The following IHO1 variants were observed in gnomAD, a reference collection of about 807,000 sequenced individuals.
The protein encoded by IHO1 is interactor of HORMAD1 1.
In IHO1, 13 loss-of-function variants were observed where a neutral mutation model predicts 31.0. That is an observed-to-expected ratio of 0.42 (90% confidence interval 0.27 to 0.67). IHO1 has a LOEUF of 0.67. IHO1 is among the 30% of genes least tolerant of loss of function. The pLI is 0.24. For missense variants in IHO1, 599 were observed against 687.5 expected, an observed-to-expected ratio of 0.87 and a Z score of 1.44; for synonymous variants, 221 against 248.4, an observed-to-expected ratio of 0.89 and a Z score of 1.04.
Position 49,256,636 on chromosome 3 carries a change from C to A in IHO1, c.1139C>A (p.Pro380His). ...HGSSVPGHKI[P>H]SDRDLVSQGA... ...TCCAGCGTCCCAGGCCATAAGATTCCCAGTGACAGGGACCTGGTTTCCCAA... is the reference window on the plus strand; with the variant it reads ...TCCAGCGTCCCAGGCCATAAGATTCACAGTGACAGGGACCTGGTTTCCCAA... The change falls in exon 8 of 8, where the codon CCC becomes CAC. Residue 380 changes from proline to histidine, a missense_variant. Physicochemically the swap from Pro to His is moderately conservative, Grantham distance 77 (BLOSUM62 -2). Coordinates refer to ENST00000452691, the MANE Select transcript of IHO1 (RefSeq NM_001135197.2). The surrounding 1 kb of genome is among the most constrained non-coding windows in gnomAD (Gnocchi z 4.6). 6.2e-7 allele frequency: 1 copy of A among 1,614,206 alleles called. No homozygotes were observed. Among genetic ancestry groups the A allele is most frequent in the Non-Finnish European group, 8.5e-7 (1 of 1,180,032 alleles).
At chr3:49,237,221 G>A (rs538574042) in intron 3 of IHO1, among the ~76,000 whole-genome samples, 6 of 151,934 alleles carry the variant, frequency 3.9e-5, no homozygotes, top group South Asian at 2.1e-4. Flanking sequence ...GGTGGCAGGC[G>A]CCTGTAATCC....
intron 1 of IHO1, among the ~76,000 whole-genome samples, chr3:49,207,597 T>C (rs539606465): frequency 3.9e-5 from 6 of 152,226 alleles, no homozygotes; most frequent in Admixed American, 3.9e-4. Flanking sequence ...ACTGGAATAT[T>C]AACCAGGTAT....
intron 3 of IHO1, among the ~76,000 whole-genome samples, chr3:49,239,323 C>T (rs2046598856): frequency 6.6e-6 from 1 of 151,378 alleles, no homozygotes. Flanking sequence ...CTCACTGTTG[C>T]CAGACTGGAG....
At chr3:49,252,911 G>A (rs560409048) in intron 6 of IHO1, among the ~76,000 whole-genome samples, 133 of 152,102 alleles carry the variant, frequency 8.7e-4, no homozygotes, top group Non-Finnish European at 1.3e-3. Context: ...GCATGGTGTT[G>A]CGTGCCTAAA....
intron 2 of IHO1, among the ~76,000 whole-genome samples, chr3:49,228,750 G>A (rs918876937): frequency 6.6e-6 from 1 of 152,304 alleles, no homozygotes; most frequent in African/African-American, 2.4e-5. Flanking sequence ...TTTGTGGCGA[G>A]TGTCACAGCT....
chr3:49,253,222 T>C (rs1387154039), intron 6 of IHO1, among the ~76,000 whole-genome samples: 4 of 151,846 alleles, frequency 2.6e-5, no homozygotes, highest in Non-Finnish European at 5.9e-5. Context: ...GGTCAAGAGT[T>C]TGAGACCAGC....
chr3:49,242,101 GC>G (rs2046639197), intron 4 of IHO1, among the ~76,000 whole-genome samples: 1 of 151,262 alleles, frequency 6.6e-6, no homozygotes, highest in Non-Finnish European at 1.5e-5. Context: ...ATGCCAGCAT[GC>G]CCAGCTCATT....
chr3:49,216,825 A>G (rs2046292315), intron 2 of IHO1, among the ~76,000 whole-genome samples: 1 of 152,362 alleles, frequency 6.6e-6, no homozygotes, highest in South Asian at 2.1e-4. Flanking sequence ...AAAGTGGGCA[A>G]AGAATATGAA....
chr3:49,207,860 G>A (rs1215666903), intron 1 of IHO1, among the ~76,000 whole-genome samples: 3 of 150,578 alleles, frequency 2.0e-5, no homozygotes, highest in Non-Finnish European at 2.9e-5. Context: ...TGCAAGCTCC[G>A]CTTCGTGGGT....
chr3:49,207,644 T>C (rs34566463), intron 1 of IHO1, among the ~76,000 whole-genome samples: 16,830 of 152,238 alleles, frequency 0.11, 1,034 homozygotes, highest in African/African-American at 0.14. Context: ...TAGTCTGCCA[T>C]TATTCAAAAT....
chr3:49,214,662 G>A (rs1425864724), intron 2 of IHO1, among the ~76,000 whole-genome samples: 3 of 24,504 alleles, frequency 1.2e-4, no homozygotes, highest in Non-Finnish European at 1.7e-4. Context: ...TTTTTGAGAC[G>A]GAGTTTCACT....
At chr3:49,247,299 G>A (rs1190340419) in intron 6 of IHO1, among the ~76,000 whole-genome samples, 6 of 151,812 alleles carry the variant, frequency 4.0e-5, no homozygotes, top group Admixed American at 1.3e-4. Context: ...GCACGATCTC[G>A]GTTCACTGCA....
intron 2 of IHO1, chr3:49,213,925 C>T: frequency 2.5e-6 from 1 of 406,070 alleles, no homozygotes; most frequent in Non-Finnish European, 5.2e-6. Context: ...TCAAGCATGG[C>T]CAGAGTGGAC....
intron 6 of IHO1, among the ~76,000 whole-genome samples, chr3:49,254,727 T>G (rs1046378208): frequency 2.0e-5 from 3 of 151,990 alleles, no homozygotes; most frequent in Non-Finnish European, 4.4e-5. Flanking sequence ...GTTAGCCAAT[T>G]TAAAGATTTA....
At chr3:49,230,553 G>A (rs2046468666) in intron 2 of IHO1, among the ~76,000 whole-genome samples, 1 of 152,140 alleles carries the variant, frequency 6.6e-6, no homozygotes, top group African/African-American at 2.4e-5. Context: ...GAACCTACTT[G>A]TAAAAAATTT....
chr3:49,214,633 T>TATATATA (rs71278651), intron 2 of IHO1, among the ~76,000 whole-genome samples: 1 of 25,582 alleles, frequency 3.9e-5, no homozygotes, highest in Non-Finnish European at 6.8e-5. Flanking sequence ...TATATATATA[T>TATATATA]TTTTTTTTTT....
chr3:49,217,191 A>G (rs1383446158), intron 2 of IHO1, among the ~76,000 whole-genome samples: 1 of 152,218 alleles, frequency 6.6e-6, no homozygotes, highest in Non-Finnish European at 1.5e-5. Context: ...ATGCACATGT[A>G]TATTTATTGT....
At chr3:49,246,738 A>G (rs1389507321) in intron 6 of IHO1, among the ~76,000 whole-genome samples, 1 of 152,220 alleles carries the variant, frequency 6.6e-6, no homozygotes, top group Non-Finnish European at 1.5e-5. Flanking sequence ...GAAAAGGGAA[A>G]GGAAGTGCCT....
At chr3:49,228,521 C>A (rs540353078) in intron 2 of IHO1, among the ~76,000 whole-genome samples, 1 of 152,150 alleles carries the variant, frequency 6.6e-6, no homozygotes, top group Non-Finnish European at 1.5e-5. Flanking sequence ...GGTGAAGGCC[C>A]CACATTGGGC....
Sources: allele counts gnomAD v4.1 joint callset (sites outside exome capture counted in the v4.1 genomes callset), GRCh38; gene constraint gnomAD v4.1.1; non-coding constraint Gnocchi (gnomAD v3.1); transcripts MANE v1.5; gene names NCBI Gene and HGNC (gene_info 2026-07-23, HGNC 2026-07-21).